Variants in SPIDR observed in about 807,000 individuals in gnomAD.
SPIDR encodes the protein DNA repair-scaffolding protein.
Under a neutral mutation model 104.6 loss-of-function variants are expected in SPIDR, and 93 were observed. That is an observed-to-expected ratio of 0.89 (90% CI 0.75 to 1.06). The LOEUF (loss-of-function observed/expected upper bound fraction) is 1.06. SPIDR is among the 50% of genes least tolerant of loss of function. The pLI is 0.00. For synonymous variants in SPIDR, 431 were observed against 416.9 expected (o/e 1.03, Z -0.41); for missense variants, 1,154 against 1,111.2 (o/e 1.04, Z -0.55).
At chr8:47,558,678 C>T (rs1197558843) in intron 8 of SPIDR, among the ~76,000 whole-genome samples, 2 of 151,668 alleles carry the variant, frequency 1.3e-5, no homozygotes, top group Non-Finnish European at 2.9e-5. Flanking sequence ...CTCGCTCTGT[C>T]GCCCAGGCTG....
At chr8:47,665,224 G>A (rs546110465) in intron 10 of SPIDR, among the ~76,000 whole-genome samples, 1 of 152,274 alleles carries the variant, frequency 6.6e-6, no homozygotes, top group Admixed American at 6.5e-5. Context: ...TAATACAAGG[G>A]AGCCCCAGTG....
rs571317929 is a variant in SPIDR, at chr8:47,430,358, C to G, written c.878-9965C>G. On this transcript the variant is annotated intron_variant, in intron 7 of 19. Coordinates refer to ENST00000297423, the MANE Select transcript of SPIDR (RefSeq NM_001080394.4). The stretch of plus-strand genomic sequence containing the variant: ...TTGGACATGCCTTATTCTGGCTCAT[C>G]ATAGGTTTTGCCTGTTTCCACCCAA... Among the ~76,000 whole-genome samples, 3 of 152,326 alleles carry G rather than the reference C, an allele frequency of 2.0e-5. No individual in the cohort carries two copies. The South Asian group carries it at 6.2e-4, about 32-fold the overall frequency.
At chr8:47,696,308 A>G (rs986154085) in intron 11 of SPIDR, among the ~76,000 whole-genome samples, 6 of 152,244 alleles carry the variant, frequency 3.9e-5, no homozygotes, top group African/African-American at 1.4e-4. Context: ...TGTTACCAAC[A>G]ACAAAATTCA....
chr8:47,419,766 A>G (rs1335627299), intron 7 of SPIDR, among the ~76,000 whole-genome samples: 1 of 151,166 alleles, frequency 6.6e-6, no homozygotes, highest in African/African-American at 2.4e-5. Flanking sequence ...AGTGCTATAA[A>G]TTTCCCTCTA....
At chr8:47,654,296 A>G (rs2072272123) in intron 10 of SPIDR, 1 of 602,982 alleles carries the variant, frequency 1.7e-6, no homozygotes, top group Non-Finnish European at 2.7e-6. Flanking sequence ...AAGGGCCACA[A>G]GCAAGGCAAG....
At chr8:47,541,285 G>A (rs1342050579) in intron 8 of SPIDR, among the ~76,000 whole-genome samples, 1 of 152,164 alleles carries the variant, frequency 6.6e-6, no homozygotes, top group Non-Finnish European at 1.5e-5. Context: ...TGTTTTACAG[G>A]TGAGGAAACT....
At chr8:47,403,692 G>T (rs578216423) in intron 6 of SPIDR, among the ~76,000 whole-genome samples, 13 of 152,142 alleles carry the variant, frequency 8.5e-5, no homozygotes, top group African/African-American at 3.1e-4. Context: ...ACTCCTCAAC[G>T]AAATAAAAGA....
At chr8:47,560,258 A>G (rs1013963684) in intron 8 of SPIDR, among the ~76,000 whole-genome samples, 5 of 152,192 alleles carry the variant, frequency 3.3e-5, no homozygotes, top group African/African-American at 9.6e-5. Context: ...CTCTTTTCCA[A>G]TATCACTTTC....
At chr8:47,494,020 C>G (rs1462779880) in intron 8 of SPIDR, among the ~76,000 whole-genome samples, 1 of 152,096 alleles carries the variant, frequency 6.6e-6, no homozygotes, top group Non-Finnish European at 1.5e-5. Flanking sequence ...TTCTCCTTCC[C>G]CTCACCTCCC....
At chr8:47,511,027 G>T in intron 8 of SPIDR, 1 of 789,944 alleles carries the variant, frequency 1.3e-6, no homozygotes, top group Non-Finnish European at 2.3e-6. Flanking sequence ...CAGCTGCCTG[G>T]GCAGTTAGGT....
chr8:47,537,567 T>C (rs982479362), intron 8 of SPIDR, among the ~76,000 whole-genome samples: 1 of 152,130 alleles, frequency 6.6e-6, no homozygotes, highest in South Asian at 2.1e-4. Flanking sequence ...GAGAGATGAA[T>C]AGGTGGTGGA....
chr8:47,496,778 G>T (rs2079527340), intron 8 of SPIDR, among the ~76,000 whole-genome samples: 2 of 123,448 alleles, frequency 1.6e-5, no homozygotes, highest in East Asian at 2.4e-4. Context: ...TTAAACATTT[G>T]GTAGAATTCA....
intron 10 of SPIDR, among the ~76,000 whole-genome samples, chr8:47,664,927 C>A (rs958482221): frequency 2.0e-5 from 3 of 150,962 alleles, no homozygotes; most frequent in African/African-American, 7.3e-5. Context: ...ATTATGCAAT[C>A]TGAAAGGGAG....
chr8:47,631,565 G>A (rs904164130), intron 10 of SPIDR, among the ~76,000 whole-genome samples: 3 of 152,160 alleles, frequency 2.0e-5, no homozygotes, highest in African/African-American at 7.2e-5. Flanking sequence ...CAGAGAAAAT[G>A]GTGAAAGAGG....
At chr8:47,293,138 GT>G (rs1190152882) in intron 4 of SPIDR, among the ~76,000 whole-genome samples, 1 of 151,616 alleles carries the variant, frequency 6.6e-6, no homozygotes, top group South Asian at 2.1e-4. Flanking sequence ...TATAGTGGCT[GT>G]TTTTTTTAAG....
At chr8:47,312,434 T>C (rs1211498123) in intron 5 of SPIDR, among the ~76,000 whole-genome samples, 1 of 152,244 alleles carries the variant, frequency 6.6e-6, no homozygotes, top group Non-Finnish European at 1.5e-5. Flanking sequence ...AGATGGTATC[T>C]CATTATGGTT....
intron 5 of SPIDR, among the ~76,000 whole-genome samples, chr8:47,329,073 ATT>A (rs781881911): frequency 4.3e-5 from 6 of 140,876 alleles, no homozygotes; most frequent in Non-Finnish European, 3.1e-5. Flanking sequence ...TGCCTAGCTA[ATT>A]TTTTTTTTTT....
chr8:47,600,903 C>T (rs1317669719), intron 10 of SPIDR, among the ~76,000 whole-genome samples: 5 of 152,182 alleles, frequency 3.3e-5, no homozygotes, highest in African/African-American at 7.2e-5. Flanking sequence ...CGAGAAAGAA[C>T]GACAAAACTG....
intron 8 of SPIDR, among the ~76,000 whole-genome samples, chr8:47,443,745 G>GTT (rs797040753): frequency 2.9e-5 from 4 of 137,282 alleles, no homozygotes; most frequent in Admixed American, 7.3e-5. Flanking sequence ...CATTTAAACT[G>GTT]TTTTTTTTTT....
Sources: gnomAD v4.1 joint callset for allele counts (sites outside exome capture counted in the v4.1 genomes callset) on GRCh38, gnomAD v4.1.1 for gene constraint, MANE v1.5 for transcripts, NCBI Gene and HGNC (gene_info 2026-07-23, HGNC 2026-07-21) for gene names.